Variants in ME3 observed in about 807,000 individuals in gnomAD.
ME3 encodes malic enzyme 3.
A neutral mutation model predicts 68.9 loss-of-function variants in ME3; 48 were observed. The ratio of observed to expected loss-of-function variants is 0.70; its 90% CI spans 0.55 to 0.89. The LOEUF (loss-of-function observed/expected upper bound fraction) is 0.89. Among genes scored for constraint, ME3 ranks in the 40% least tolerant of loss-of-function variants. The pLI is 0.00. For synonymous variants in ME3, 320 were observed against 318.8 expected (o/e 1.00, Z -0.04); for missense variants, 675 against 797.4 (o/e 0.85, Z 1.85).
At position 86,491,307 on chromosome 11, in the gene ME3, C is replaced by G. The variant is rs531925199; in HGVS notation, c.706-3867G>C. Among the ~76,000 whole-genome samples, 44 of 152,292 alleles carry G rather than the reference C, an allele frequency of 2.9e-4. No homozygotes were observed. In the South Asian group the frequency reaches 9.1e-3, roughly 32 times the overall value. On this transcript the variant is annotated intron_variant, in intron 6 of 14. Coordinates refer to ENST00000543262, the Ensembl canonical transcript of ME3. ...GGGTCTCATGACGAAGCATCCTCTTCGTCCCATCACTTGATATTGTGGGGG... is the reference window on the plus strand; with the variant it reads ...GGGTCTCATGACGAAGCATCCTCTTGGTCCCATCACTTGATATTGTGGGGG...
chr11:86,581,747 C>T (rs983075942), intron 2 of ME3, among the ~76,000 whole-genome samples: 10 of 152,128 alleles, frequency 6.6e-5, no homozygotes, highest in Non-Finnish European at 2.9e-5. Flanking sequence ...GCAATGGTAC[C>T]ACCAGCTACC....
chr11:86,458,669 CAG>C (rs1950070637), intron 8 of ME3, among the ~76,000 whole-genome samples: 2 of 151,942 alleles, frequency 1.3e-5, no homozygotes, highest in Non-Finnish European at 2.9e-5. Flanking sequence ...TTAAAGAGAC[CAG>C]GGGAAGTTTC....
chr11:86,583,523 A>G (rs902874422), intron 2 of ME3, among the ~76,000 whole-genome samples: 2 of 152,202 alleles, frequency 1.3e-5, no homozygotes, highest in African/African-American at 4.8e-5. Context: ...TCATTTTCTA[A>G]TAGTAAAGAC....
At chr11:86,586,104 A>G (rs190246721) in intron 2 of ME3, among the ~76,000 whole-genome samples, 1 of 152,360 alleles carries the variant, frequency 6.6e-6, no homozygotes, top group Non-Finnish European at 1.5e-5. Flanking sequence ...AACTTTTTCA[A>G]AAAGCTTGGC....
At chr11:86,623,274 C>A (rs7115713) in intron 2 of ME3, among the ~76,000 whole-genome samples, 15,885 of 152,096 alleles carry the variant, frequency 0.1, 1,322 homozygotes, top group African/African-American at 0.22. Context: ...CTTCTCCTGC[C>A]CTTGGATATC....
chr11:86,652,557 C>T (rs1262397882), intron 2 of ME3, among the ~76,000 whole-genome samples: 1 of 152,048 alleles, frequency 6.6e-6, no homozygotes, highest in Non-Finnish European at 1.5e-5. Flanking sequence ...GAGATTTTGT[C>T]ACCACCAGGC....
chr11:86,652,862 G>C (rs1945555651), intron 2 of ME3, among the ~76,000 whole-genome samples: 2 of 151,462 alleles, frequency 1.3e-5, no homozygotes, highest in East Asian at 1.9e-4. Context: ...CTCACGTGCA[G>C]AGACACACAC....
At chr11:86,468,338 T>TCATCCATCCATCCATCCATCCATTTTC (rs1565819448) in intron 7 of ME3, among the ~76,000 whole-genome samples, 2 of 152,060 alleles carry the variant, frequency 1.3e-5, no homozygotes, top group Non-Finnish European at 2.9e-5. Flanking sequence ...CAACCATCCA[T>TCATCCATCCATCCATCCATCCATTTTC]CATCCATCCA....
chr11:86,471,141 C>CT (rs1163128094), intron 7 of ME3, among the ~76,000 whole-genome samples: 13,057 of 74,832 alleles, frequency 0.17, 3,298 homozygotes, highest in African/African-American at 0.2. Context: ...AGGCCCAGAG[C>CT]TTTTTTTTTT....
chr11:86,544,743 G>A (rs1272227765), intron 4 of ME3, among the ~76,000 whole-genome samples: 1 of 152,166 alleles, frequency 6.6e-6, no homozygotes, highest in Non-Finnish European at 1.5e-5. Flanking sequence ...AGAGGAACTG[G>A]TACCATTCCT....
intron 2 of ME3, among the ~76,000 whole-genome samples, chr11:86,669,476 A>G (rs1001137580): frequency 1.3e-5 from 2 of 152,168 alleles, no homozygotes; most frequent in Middle Eastern, 3.2e-3. Context: ...GAAACTTACA[A>G]TCATGGCGAA....
At chr11:86,477,513 C>A (rs1475841285) in intron 7 of ME3, among the ~76,000 whole-genome samples, 1 of 152,026 alleles carries the variant, frequency 6.6e-6, no homozygotes, top group Non-Finnish European at 1.5e-5. Context: ...GGATCAGATC[C>A]CTGCTCCCCG....
At chr11:86,666,553 C>A (rs1340601536) in intron 2 of ME3, among the ~76,000 whole-genome samples, 1 of 152,200 alleles carries the variant, frequency 6.6e-6, no homozygotes, top group Non-Finnish European at 1.5e-5. Context: ...CTTAGTAATC[C>A]TGTGAAGCTA....
intron 2 of ME3, among the ~76,000 whole-genome samples, chr11:86,583,533 C>T (rs1958562299): frequency 6.6e-6 from 1 of 152,040 alleles, no homozygotes; most frequent in Non-Finnish European, 1.5e-5. Context: ...ATAGTAAAGA[C>T]AGCTATTAAA....
chr11:86,531,362 A>G (rs1955216099), intron 4 of ME3, among the ~76,000 whole-genome samples: 1 of 152,102 alleles, frequency 6.6e-6, no homozygotes, highest in South Asian at 2.1e-4. Flanking sequence ...GGTGCTGGAG[A>G]GGATGTGGAG....
chr11:86,590,730 G>C (rs911970159), intron 2 of ME3, among the ~76,000 whole-genome samples: 1 of 152,200 alleles, frequency 6.6e-6, no homozygotes, highest in Admixed American at 6.5e-5. Flanking sequence ...TCTGGAGGCA[G>C]TGGGGAGCCA....
intron 5 of ME3, among the ~76,000 whole-genome samples, chr11:86,500,501 C>A (rs1952655252): frequency 6.6e-6 from 1 of 152,254 alleles, no homozygotes; most frequent in Admixed American, 6.5e-5. Flanking sequence ...ATCTTCCTTC[C>A]TTCCATTCTC....
chr11:86,641,037 G>C (rs935086075), intron 2 of ME3, among the ~76,000 whole-genome samples: 2 of 15,924 alleles, frequency 1.3e-4, no homozygotes, highest in East Asian at 4.3e-4. Context: ...CAATTTCACT[G>C]GGGGGGGGGG....
intron 2 of ME3, among the ~76,000 whole-genome samples, chr11:86,666,174 C>A (rs1257535018): frequency 1.3e-5 from 2 of 152,210 alleles, no homozygotes; most frequent in Non-Finnish European, 2.9e-5. Context: ...TGTTCTCTTG[C>A]AGCTAAATGT....
Sources: gnomAD v4.1 joint callset for allele counts (sites outside exome capture counted in the v4.1 genomes callset) on GRCh38, gnomAD v4.1.1 for gene constraint, MANE v1.5 for transcripts, NCBI Gene and HGNC (gene_info 2026-07-23, HGNC 2026-07-21) for gene names.